ARHGAP28: variants seen among roughly 807,000 people sequenced by gnomAD.
ARHGAP28 encodes the protein Rho GTPase activating protein 28.
Under a neutral mutation model 90.7 loss-of-function variants are expected in ARHGAP28, and 56 were observed. The ratio of observed to expected loss-of-function variants is 0.62; its 90% confidence interval spans 0.50 to 0.77. ARHGAP28 has a LOEUF of 0.77. Ranked by LOEUF, ARHGAP28 falls within the 30% of genes least tolerant of loss-of-function variation. The pLI is 0.00. For missense variants in ARHGAP28, 869 were observed against 900.9 expected (o/e 0.96, Z 0.45); for synonymous variants, 308 against 323.3 (o/e 0.95, Z 0.51).
intron 2 of ARHGAP28, among the ~76,000 whole-genome samples, chr18:6,827,085 C>T (rs867170584): frequency 4.6e-5 from 7 of 152,250 alleles, no homozygotes; most frequent in East Asian, 1.9e-4. Flanking sequence ...CCGTGTCTAC[C>T]TCTTTCTACA....
chr18:6,841,151 TCCTCTTTCTCTCTCTCCTCTCTCTCTCTC>T (rs1567966298), intron 3 of ARHGAP28, among the ~76,000 whole-genome samples: 9 of 114,398 alleles, frequency 7.9e-5, no homozygotes, highest in East Asian at 6.8e-4. Context: ...ACTGTCTCTC[TCCTCTTTCTCTCTCTCCTCTCTCTCTCTC>T]CTCTCTCTCT....
intron 10 of ARHGAP28, among the ~76,000 whole-genome samples, chr18:6,878,487 A>G (rs2057151597): frequency 6.6e-6 from 1 of 152,052 alleles, no homozygotes; most frequent in Non-Finnish European, 1.5e-5. Flanking sequence ...CTAAAACTTA[A>G]AGTATAATAA....
At chr18:6,822,966 T>C (rs781409990) in intron 1 of ARHGAP28, among the ~76,000 whole-genome samples, 9 of 152,250 alleles carry the variant, frequency 5.9e-5, no homozygotes, top group Non-Finnish European at 1.3e-4. Flanking sequence ...CTGCTCAGCA[T>C]GTCAACATGT....
Position 6,890,540 on chromosome 18 carries a change from G to A in ARHGAP28, c.1845G>A (p.Arg615=), listed in dbSNP as rs371935284. ...TGCTCAGGAGGAAGACCCTCGAGCG[G>A]GAGGTAAGACAGCAAATGAGGCATG... is the stretch of plus-strand genomic sequence containing the variant. ...RKLLRRKTLE[R]ETASPKTSKV... is the part of the protein sequence containing the mutation. The change falls in exon 14 of 18, where the codon CGG becomes CGA. Residue 615 remains arginine (R), a synonymous_variant. Transcript: ENST00000383472. 21 of 1,604,438 alleles carry A rather than the reference G, an allele frequency of 1.3e-5. No individual in the cohort carries two copies. Among genetic ancestry groups the A allele is most frequent in the Non-Finnish European group, 1.8e-5 (21 of 1,175,302 alleles).
chr18:6,788,155 C>A (rs2056379603), intron 1 of ARHGAP28, among the ~76,000 whole-genome samples: 1 of 152,162 alleles, frequency 6.6e-6, no homozygotes, highest in African/African-American at 2.4e-5. Context: ...TTCTCATGAG[C>A]AGTTTAGCAC....
intron 3 of ARHGAP28, chr18:6,850,709 C>G (rs2056903177): frequency 6.2e-6 from 6 of 971,820 alleles, no homozygotes; most frequent in Non-Finnish European, 8.9e-6. Context: ...TGATCACACT[C>G]AGTCTTTTTA....
intron 3 of ARHGAP28, among the ~76,000 whole-genome samples, chr18:6,839,575 G>A (rs959668851): frequency 6.6e-6 from 1 of 152,138 alleles, no homozygotes. Context: ...GGGATTACAG[G>A]CGTGAGCCAC....
At chr18:6,862,253 G>C (rs781599965) in intron 5 of ARHGAP28, among the ~76,000 whole-genome samples, 1 of 152,116 alleles carries the variant, frequency 6.6e-6, no homozygotes, top group African/African-American at 2.4e-5. Context: ...GGGATATCCG[G>C]TAATCAAATG....
chr18:6,803,292 A>G (rs1439165491), intron 1 of ARHGAP28, among the ~76,000 whole-genome samples: 2 of 152,154 alleles, frequency 1.3e-5, no homozygotes, highest in Admixed American at 6.5e-5. Flanking sequence ...TTTACAGGAA[A>G]GGATGCTGGA....
rs759071148 is a variant in ARHGAP28, at chr18:6,890,036, C to T, written c.1685C>T (p.Ala562Val). ...GAAGAATTACTGTTAGCAAACACTG[C>T]GGCCCACATCATCCGCCTAATGCTT... The part of the protein sequence containing the change: ...DYEELLLANT[A>V]AHIIRLMLKY... The change falls in exon 13 of 18, where the codon GCG becomes GTG. Residue 562 changes from alanine (A) to valine (V), a missense_variant. By Grantham distance (64) the Ala-to-Val change is moderately conservative. Coordinates refer to ENST00000383472, the MANE Select transcript of ARHGAP28 (RefSeq NM_001366230.1). 6 of 1,614,058 alleles carry T rather than the reference C, an allele frequency of 3.7e-6. No homozygotes were observed. Among genetic ancestry groups the T allele is most frequent in the East Asian group, 2.2e-5 (1 of 44,882 alleles).
chr18:6,878,396 G>A (rs2057150615), intron 10 of ARHGAP28, among the ~76,000 whole-genome samples: 1 of 151,182 alleles, frequency 6.6e-6, no homozygotes, highest in Non-Finnish European at 1.5e-5. Flanking sequence ...CCTAATGCTA[G>A]ATGATGAGTT....
chr18:6,800,011 T>G (rs1291002147), intron 1 of ARHGAP28, among the ~76,000 whole-genome samples: 1 of 151,982 alleles, frequency 6.6e-6, no homozygotes, highest in East Asian at 1.9e-4. Flanking sequence ...CTAAGGAAAC[T>G]TACAAGAAAA....
At chr18:6,871,009 C>A (rs2057083414) in intron 7 of ARHGAP28, among the ~76,000 whole-genome samples, 1 of 152,170 alleles carries the variant, frequency 6.6e-6, no homozygotes, top group African/African-American at 2.4e-5. Flanking sequence ...ACCATGTTAG[C>A]CAGGATGGTC....
chr18:6,803,537 C>G (rs946348309), intron 1 of ARHGAP28, among the ~76,000 whole-genome samples: 3 of 151,920 alleles, frequency 2.0e-5, no homozygotes, highest in Non-Finnish European at 4.4e-5. Flanking sequence ...TAGCTGATGG[C>G]TTCCTTTTCA....
intron 5 of ARHGAP28, among the ~76,000 whole-genome samples, chr18:6,865,303 A>G (rs1356997187): frequency 1.3e-5 from 2 of 152,252 alleles, no homozygotes; most frequent in Admixed American, 1.3e-4. Flanking sequence ...AATTCAAGAC[A>G]TCATCAGAAT....
intron 1 of ARHGAP28, among the ~76,000 whole-genome samples, chr18:6,809,738 C>T: frequency 6.6e-6 from 1 of 152,182 alleles, no homozygotes; most frequent in South Asian, 2.1e-4. Flanking sequence ...GATCCAATCA[C>T]CTCTCACCAG....
rs778375590 is a variant in ARHGAP28 at position 6,876,143 on chromosome 18, G to A, written c.1225G>A (p.Val409Ile). ...CATTGCTTTCTAGTTTTTTGAGAAAGTTGAGGAATCAGGTCTGGAATCTGA... is the reference window on the plus strand; with the variant it reads ...CATTGCTTTCTAGTTTTTTGAGAAAATTGAGGAATCAGGTCTGGAATCTGA... ...PLVLQKFFEK[V>I]EESGLESEGI... The change falls in exon 10 of 18, where the codon GTT (valine) becomes ATT (isoleucine). Residue 409 changes from valine to isoleucine, a missense_variant. Val to Ile is a conservative substitution (Grantham distance 29). Coordinates refer to ENST00000383472, the MANE Select transcript of ARHGAP28 (RefSeq NM_001366230.1). The A allele has an allele frequency of 1.2e-6, 2 of 1,613,792 alleles. No homozygotes were observed. Among genetic ancestry groups the A allele is most frequent in the Admixed American group, 1.7e-5 (1 of 59,994 alleles).
intron 1 of ARHGAP28, among the ~76,000 whole-genome samples, chr18:6,730,340 TA>T (rs2055870178): frequency 6.6e-6 from 1 of 151,820 alleles, no homozygotes; most frequent in African/African-American, 2.4e-5. Context: ...TGAATAACCC[TA>T]AATCCTCAGA....
intron 2 of ARHGAP28, among the ~76,000 whole-genome samples, chr18:6,831,471 G>GTTTTTTTTTTTTTTA (rs2056714365): frequency 9.1e-6 from 1 of 109,302 alleles, no homozygotes; most frequent in Admixed American, 1.0e-4. Flanking sequence ...GTATCTTGAT[G>GTTTTTTTTTTTTTTA]TTTTTTTTTT....
Sources: allele counts gnomAD v4.1 joint callset (sites outside exome capture counted in the v4.1 genomes callset), GRCh38; gene constraint gnomAD v4.1.1; transcripts MANE v1.5; gene names NCBI Gene and HGNC (gene_info 2026-07-23, HGNC 2026-07-21).